The following ZCCHC4 variants were observed in gnomAD, a reference collection of about 807,000 sequenced individuals.
The protein encoded by ZCCHC4 is zinc finger CCHC-type containing 4, also known as rRNA N(6)-adenosine-methyltransferase ZCCHC4.
Under a neutral mutation model 67.7 loss-of-function variants are expected in ZCCHC4, and 54 were observed. The ratio of observed to expected loss-of-function variants is 0.80; its 90% CI spans 0.64 to 1.00. ZCCHC4 has a LOEUF of 1.00. Among genes scored for constraint, ZCCHC4 ranks in the 50% least tolerant of loss-of-function variants. ZCCHC4 has a pLI of 0.00. For missense variants in ZCCHC4, 609 were observed against 617.0 expected (o/e 0.99, Z 0.14); for synonymous variants, 198 against 213.5 (o/e 0.93, Z 0.63).
chr4:25,352,723 C>G (rs763976030), intron 8 of ZCCHC4, among the ~76,000 whole-genome samples: 3 of 152,224 alleles, frequency 2.0e-5, no homozygotes, highest in Admixed American at 2.0e-4. Flanking sequence ...CCTGCTTCCT[C>G]TTTTTGTAAG....
At chr4:25,330,174 A>G (rs1027581887) in intron 3 of ZCCHC4, among the ~76,000 whole-genome samples, 1 of 152,066 alleles carries the variant, frequency 6.6e-6, no homozygotes, top group Non-Finnish European at 1.5e-5. Flanking sequence ...TATTTTTAGT[A>G]GAGACAGGGT....
In ZCCHC4 at chr4:25,362,246, G is replaced by A. The variant is rs368674649; in HGVS notation, c.1154G>A (p.Arg385Gln). The change falls in exon 10 of 13, where the codon CGG becomes CAG. Residue 385 changes from arginine (R) to glutamine (Q), a missense_variant. Transcript: ENST00000302874. ...TCTAGATTTTGCTCTCCGTGTCAAC[G>A]GTATGTTTCTCTAGAGAATCAACAC... is the stretch of plus-strand genomic sequence containing the variant. The part of the protein sequence containing the change: ...EGYRFCSPCQ[R>Q]YVSLENQHCE... 1.7e-5 allele frequency: 27 copies of A among 1,610,886 alleles called. No individual in the cohort carries two copies. The highest frequency in any genetic ancestry group is 3.3e-5 in the Admixed American group (2 of 59,800).
chr4:25,333,152 A>G (rs775737679), intron 3 of ZCCHC4, 31 bp from the exon 4 acceptor site: 53 of 1,590,510 alleles, frequency 3.3e-5, no homozygotes, highest in Non-Finnish European at 4.5e-5. Context: ...AACTTAAAAT[A>G]TATTTCTTTG....
chr4:25,333,827 T>G, intron 4 of ZCCHC4, 81 bp from the exon 5 acceptor site: 1 of 945,312 alleles, frequency 1.1e-6, no homozygotes, highest in Non-Finnish European at 1.6e-6. Flanking sequence ...CAGAAGAACA[T>G]TGATGGTTTT....
intron 8 of ZCCHC4, among the ~76,000 whole-genome samples, chr4:25,361,271 G>T (rs961028395): frequency 2.6e-5 from 4 of 152,220 alleles, no homozygotes; most frequent in African/African-American, 9.6e-5. Context: ...GTTGCTTTCT[G>T]TGTTGTTGTG....
At chr4:25,330,873 G>A (rs934059387) in intron 3 of ZCCHC4, among the ~76,000 whole-genome samples, 30 of 152,256 alleles carry the variant, frequency 2.0e-4, no homozygotes, top group African/African-American at 6.7e-4. Flanking sequence ...GCCTTGGGGA[G>A]TTTCTGCATG....
intron 8 of ZCCHC4, among the ~76,000 whole-genome samples, chr4:25,360,694 GT>G (rs1720695385): frequency 6.6e-6 from 1 of 152,210 alleles, no homozygotes; most frequent in African/African-American, 2.4e-5. Context: ...GTTGCAAGAG[GT>G]CTTGGGACCT....
intron 5 of ZCCHC4, among the ~76,000 whole-genome samples, chr4:25,340,505 G>A (rs1163742486): frequency 5.3e-5 from 8 of 151,952 alleles, no homozygotes; most frequent in Non-Finnish European, 1.2e-4. Flanking sequence ...TGAATGTTAG[G>A]ATCAGCTTGT....
At position 25,349,508 on chromosome 4, in the gene ZCCHC4, G is replaced by A; in HGVS notation, c.776G>A (p.Cys259Tyr). The change falls in exon 7 of 13, where the codon TGC (cysteine) becomes TAC (tyrosine). Residue 259 changes from cysteine (C) to tyrosine (Y), a missense_variant. Coordinates refer to ENST00000302874, the MANE Select transcript of ZCCHC4 (RefSeq NM_024936.3). ...FFDGKTALEV[C>Y]RAFLQEDKGE... ...TTGTTCCAGACTGCCCTTGAAGTAT[G>A]CAGAGCATTTTTACAGGAAGATAAA... 1 of 1,613,860 alleles carries A rather than the reference G, an allele frequency of 6.2e-7. No homozygotes were observed. The highest frequency in any genetic ancestry group is 1.1e-5 in the South Asian group (1 of 91,060).
At chr4:25,349,384 A>G (rs1485937174) in intron 6 of ZCCHC4, 108 bp from the exon 7 acceptor site, 22 of 1,074,868 alleles carry the variant, frequency 2.0e-5, no homozygotes, top group Non-Finnish European at 2.9e-5. Flanking sequence ...ATGACTTGGT[A>G]AAGTTTCCAG....
intron 8 of ZCCHC4, among the ~76,000 whole-genome samples, chr4:25,357,275 T>G (rs552572802): frequency 5.5e-4 from 84 of 152,326 alleles, no homozygotes; most frequent in African/African-American, 1.9e-3. Context: ...TTCATTCCCA[T>G]TATTTTTCAA....
rs185396344 is a variant in ZCCHC4, at chr4:25,328,115, C to G, written c.330-5068C>G. Among the ~76,000 whole-genome samples the G allele has an allele frequency of 2.9e-3, 436 of 152,198 alleles. 1 individual carries two copies. The highest frequency in any genetic ancestry group is 2.7e-3 in the Non-Finnish European group (186 of 68,012). On this transcript the variant is annotated intron_variant, in intron 3 of 12. Transcript: ENST00000302874. ...CTCATGAAATGAATTGGTAAGTGTT[C>G]TCTCTTCAGTTTTTTGAAAGAATTT...
At chr4:25,333,695 G>C (rs1036315919) in intron 4 of ZCCHC4, among the ~76,000 whole-genome samples, 1 of 152,154 alleles carries the variant, frequency 6.6e-6, no homozygotes, top group Non-Finnish European at 1.5e-5. Flanking sequence ...CTGCTAAATT[G>C]TTTATAATTT....
At position 25,351,707 on chromosome 4, in the gene ZCCHC4, TTTTC is replaced by T. The variant is rs753366111; in HGVS notation, c.1011+20_1011+23del. 1.0e-5 allele frequency: 16 copies of T among 1,569,106 alleles called. No individual in the cohort carries two copies. The highest frequency in any genetic ancestry group is 1.3e-5 in the Non-Finnish European group (15 of 1,148,582). On this transcript the variant is annotated intron_variant, in intron 8 of 12. Transcript: ENST00000302874. ...ATTACCAGGTAGAGTACATATTCTG[TTTTC>T]TGGCATGGTTGGGGAATGGAGATTC...
At chr4:25,356,702 T>G (rs1396183948) in intron 8 of ZCCHC4, among the ~76,000 whole-genome samples, 2 of 152,104 alleles carry the variant, frequency 1.3e-5, no homozygotes, top group African/African-American at 4.8e-5. Context: ...ATGACACTCA[T>G]AAATGCTCAA....
intron 8 of ZCCHC4, among the ~76,000 whole-genome samples, chr4:25,360,275 G>A (rs776668267): frequency 6.6e-5 from 10 of 152,210 alleles, no homozygotes; most frequent in Non-Finnish European, 1.3e-4. Flanking sequence ...GGCTGAGACC[G>A]CCTTCCTTGC....
chr4:25,357,187 T>G (rs1176186333), intron 8 of ZCCHC4, among the ~76,000 whole-genome samples: 1 of 152,244 alleles, frequency 6.6e-6, no homozygotes, highest in Non-Finnish European at 1.5e-5. Context: ...ACACCTTCAG[T>G]TATAGAATAG....
intron 4 of ZCCHC4, among the ~76,000 whole-genome samples, 176 bp from the exon 5 acceptor site, chr4:25,333,732 T>G (rs1719305977): frequency 6.6e-6 from 1 of 152,268 alleles, no homozygotes; most frequent in Non-Finnish European, 1.5e-5. Flanking sequence ...AGATAAGTTC[T>G]GCTCTTAAAA....
intron 9 of ZCCHC4, 78 bp from the exon 10 acceptor site, chr4:25,362,148 T>A: frequency 6.8e-7 from 1 of 1,472,020 alleles, no homozygotes; most frequent in Non-Finnish European, 9.3e-7. Context: ...GTTTTTGTAA[T>A]GAGTGCTTTG....
Sources: allele counts gnomAD v4.1 joint callset (sites outside exome capture counted in the v4.1 genomes callset), GRCh38; gene constraint gnomAD v4.1.1; transcripts MANE v1.5; gene names NCBI Gene and HGNC (gene_info 2026-07-23, HGNC 2026-07-21).